FBXO11: variants seen among roughly 807,000 people sequenced by gnomAD.
The protein encoded by FBXO11 is F-box protein 11, also known as F-box only protein 11.
A neutral mutation model predicts 117.0 loss-of-function variants in FBXO11; 13 were observed. The observed-to-expected ratio is 0.11, with a 90% CI of 0.07 to 0.18. The LOEUF (loss-of-function observed/expected upper bound fraction) is 0.18, where lower values mean the gene tolerates loss of function less well. Ranked by LOEUF, FBXO11 falls within the 10% of genes least tolerant of loss-of-function variation. The pLI is 1.00. For synonymous variants in FBXO11, 490 were observed against 380.5 expected (o/e 1.29, Z -3.35); for missense variants, 767 against 1,164.4 (o/e 0.66, Z 4.97).
chr2:47,895,573 CA>C (rs1553360104), intron 1 of FBXO11, among the ~76,000 whole-genome samples: 1 of 152,202 alleles, frequency 6.6e-6, no homozygotes, highest in Non-Finnish European at 1.5e-5. Context: ...TTTTTGGTTA[CA>C]CAGATGTGTT....
At chr2:47,812,608 G>A (rs1302780558) in intron 18 of FBXO11, among the ~76,000 whole-genome samples, 1 of 152,170 alleles carries the variant, frequency 6.6e-6, no homozygotes, top group African/African-American at 2.4e-5. Flanking sequence ...ATCTTGGCAT[G>A]TTAGAGTAAT....
rs1413544897 is a variant in FBXO11, at chr2:47,905,797, GGGGT to G, written c.-81_-78del. On this transcript the variant is annotated 5_prime_UTR_variant, in exon 1 of 23. Coordinates refer to ENST00000403359, the MANE Select transcript of FBXO11 (RefSeq NM_001190274.2). The stretch of plus-strand genomic sequence containing the variant: ...ACAGCGAGCTTCGGGGCAGGAGAAA[GGGGT>G]GGGGAGAGTGGGAGAGGGGGGAGGA... 7.0e-7 allele frequency: 1 copy of G among 1,433,684 alleles called. No individual in the cohort carries two copies. Among genetic ancestry groups the G allele is most frequent in the Non-Finnish European group, 9.3e-7 (1 of 1,077,586 alleles). The allele number at this position is 1,433,684 out of a possible 1,614,324, so 88.8% of individuals were successfully genotyped here.
At chr2:47,898,134 C>G (rs930199696) in intron 1 of FBXO11, among the ~76,000 whole-genome samples, 30 of 152,316 alleles carry the variant, frequency 2.0e-4, no homozygotes, top group African/African-American at 6.3e-4. Flanking sequence ...ATACTGAACT[C>G]ACACTTGCTT....
chr2:47,860,760 GAGAA>G (rs1002593161), intron 1 of FBXO11, among the ~76,000 whole-genome samples: 6 of 148,958 alleles, frequency 4.0e-5, no homozygotes, highest in Admixed American at 6.7e-5. Flanking sequence ...AGGAGAGAGA[GAGAA>G]AGAAAGTCAA....
chr2:47,886,141 T>A (rs546106313), intron 1 of FBXO11, among the ~76,000 whole-genome samples: 34 of 152,300 alleles, frequency 2.2e-4, no homozygotes, highest in African/African-American at 7.7e-4. Flanking sequence ...ATGGGCATTT[T>A]AAAATATATT....
At chr2:47,842,512 A>T (rs959372570) in intron 1 of FBXO11, among the ~76,000 whole-genome samples, 2 of 152,166 alleles carry the variant, frequency 1.3e-5, no homozygotes, top group African/African-American at 4.8e-5. Flanking sequence ...AGAGTTTGTA[A>T]AAGTGTAATA....
chr2:47,854,204 T>A (rs976591645), intron 1 of FBXO11, among the ~76,000 whole-genome samples: 1 of 151,996 alleles, frequency 6.6e-6, no homozygotes, highest in African/African-American at 2.4e-5. Context: ...ATATTCTTTT[T>A]TTCTTTTTTT....
intron 1 of FBXO11, among the ~76,000 whole-genome samples, chr2:47,862,099 T>C (rs1674823580): frequency 1.3e-5 from 2 of 151,956 alleles, no homozygotes; most frequent in South Asian, 4.2e-4. Context: ...TTTTTTATTT[T>C]TAATAGAGAT....
Position 47,906,314 on chromosome 2 carries a change from C to G in FBXO11, c.-594G>C, listed in dbSNP as rs1047630196. On this transcript the variant is annotated 5_prime_UTR_variant, in exon 1 of 23. Coordinates refer to ENST00000403359, the MANE Select transcript of FBXO11 (RefSeq NM_001190274.2). The stretch of plus-strand genomic sequence containing the variant: ...CTTCGGTCTCTTCTCTCTCCTCCCC[C>G]CCTTCTCTCCTCGGCGAAGGGGAAA... Among the ~76,000 whole-genome samples, 5 of 152,284 alleles carry G rather than the reference C, an allele frequency of 3.3e-5. No individual in the cohort carries two copies. Among genetic ancestry groups the G allele is most frequent in the South Asian group, 2.1e-4 (1 of 4,826 alleles).
At chr2:47,883,911 G>A (rs1357769051) in intron 1 of FBXO11, 1 of 162,084 alleles carries the variant, frequency 6.2e-6, no homozygotes, top group Non-Finnish European at 1.4e-5. Context: ...CAGAAGACAA[G>A]TAATTGTGTA....
intron 1 of FBXO11, among the ~76,000 whole-genome samples, chr2:47,851,028 C>T (rs1673817522): frequency 6.6e-6 from 1 of 152,042 alleles, no homozygotes; most frequent in South Asian, 2.1e-4. Flanking sequence ...ATTTAAAATA[C>T]TTAAGTTCAA....
chr2:47,836,994 TC>T, intron 4 of FBXO11: 1 of 332,816 alleles, frequency 3.0e-6, no homozygotes, highest in Non-Finnish European at 5.9e-6. Flanking sequence ...CACTTCAGCC[TC>T]CCAAAGTGCT....
Position 47,807,086 on chromosome 2 carries a change from T to G in FBXO11, c.*1032A>C, listed in dbSNP as rs1033152036. 1 of 531,970 alleles carries G rather than the reference T, an allele frequency of 1.9e-6. No individual in the cohort carries two copies. The highest frequency in any genetic ancestry group is 3.3e-5 in the Admixed American group (1 of 29,986). The allele number at this position is 531,970 out of a possible 1,614,324, so 33.0% of individuals were successfully genotyped here. A position where few individuals can be genotyped will look rare whatever the true frequency, so the allele number is the denominator to read the frequency against. Reference sequence around the variant, plus strand: ...TACATGCATACACTTTCAGGCTGTTTTATACCCACTGTCACCAATACACAT... The same window carrying G: ...TACATGCATACACTTTCAGGCTGTTGTATACCCACTGTCACCAATACACAT... On this transcript the variant is annotated 3_prime_UTR_variant, in exon 23 of 23. Coordinates refer to ENST00000403359, the MANE Select transcript of FBXO11 (RefSeq NM_001190274.2).
At chr2:47,858,476 G>A (rs1180164613) in intron 1 of FBXO11, among the ~76,000 whole-genome samples, 1 of 150,364 alleles carries the variant, frequency 6.7e-6, no homozygotes, top group African/African-American at 2.4e-5. Flanking sequence ...GAAGTCACGA[G>A]CTCAAGACCA....
intron 2 of FBXO11, 70 bp from the exon 3 acceptor site, chr2:47,839,570 G>C: frequency 1.2e-6 from 2 of 1,603,226 alleles, no homozygotes; most frequent in Non-Finnish European, 1.7e-6. Flanking sequence ...TCTAAAAAAG[G>C]ATGACATTCC....
rs759776619 is a variant in FBXO11 at position 47,822,342 on chromosome 2, T to G, written c.1617-39A>C. ...AAATAAAAAAAAAGAAGACATCTAT[T>G]CAGCCAAACTTACTTGTTTTATACA... On this transcript the variant is annotated intron_variant, in intron 12 of 22. Coordinates refer to ENST00000403359, the MANE Select transcript of FBXO11 (RefSeq NM_001190274.2). 65 of 1,337,350 alleles carry G rather than the reference T, an allele frequency of 4.9e-5. No individual in the cohort carries two copies. In the South Asian group the frequency reaches 6.5e-4, roughly 13 times the overall value. 82.8% of individuals were successfully genotyped at this position (1,337,350 alleles called of 1,614,324 possible). A position where few individuals can be genotyped will look rare whatever the true frequency, so the allele number is the denominator to read the frequency against.
At chr2:47,810,941 C>T (rs925140379) in intron 18 of FBXO11, 1 of 152,294 alleles carries the variant, frequency 6.6e-6, no homozygotes, top group Non-Finnish European at 1.5e-5. Flanking sequence ...AAACTACTTT[C>T]AGAATAAAGT....
chr2:47,891,537 C>A lies in FBXO11; in HGVS notation c.232+13952G>T, dbSNP rs139326753. Among the ~76,000 whole-genome samples, 23 of 152,334 alleles carry A rather than the reference C, an allele frequency of 1.5e-4. 1 individual carries two copies. The highest frequency in any genetic ancestry group is 5.3e-4 in the African/African-American group (22 of 41,592). On this transcript the variant is annotated intron_variant, in intron 1 of 22. Coordinates refer to ENST00000403359, the MANE Select transcript of FBXO11 (RefSeq NM_001190274.2). ...CATCTGTCAATGGACATGTTGTGGG[C>A]TGTTTCCACATCTTGGCTATTGTGA...
At chr2:47,877,950 TG>T (rs1002811152) in intron 1 of FBXO11, among the ~76,000 whole-genome samples, 1 of 152,230 alleles carries the variant, frequency 6.6e-6, no homozygotes, top group African/African-American at 2.4e-5. Context: ...CCCAAAGTGC[TG>T]GGATTACAGG....
Sources: gnomAD v4.1 joint callset for allele counts (sites outside exome capture counted in the v4.1 genomes callset) on GRCh38, gnomAD v4.1.1 for gene constraint, MANE v1.5 for transcripts, NCBI Gene and HGNC (gene_info 2026-07-23, HGNC 2026-07-21) for gene names.